MROH2A: variants seen among roughly 807,000 people sequenced by gnomAD.
The protein encoded by MROH2A is maestro heat like repeat family member 2A.
MROH2A carries 174 observed loss-of-function variants against 200.4 expected under a neutral mutation model. The ratio of observed to expected loss-of-function variants is 0.87; its 90% CI spans 0.77 to 0.98. The LOEUF (loss-of-function observed/expected upper bound fraction) is 0.98, where lower values mean the gene tolerates loss of function less well. Among genes scored for constraint, MROH2A ranks in the 50% least tolerant of loss-of-function variants. MROH2A has a pLI of 0.00. For synonymous variants in MROH2A, 829 were observed against 840.4 expected, an observed-to-expected ratio of 0.99 and a Z score of 0.23; for missense variants, 2,045 against 2,139.6, an observed-to-expected ratio of 0.96 and a Z score of 0.87.
At chr2:233,827,812 ATT>A (rs34589114) in intron 35 of MROH2A, among the ~76,000 whole-genome samples, 1 of 151,596 alleles carries the variant, frequency 6.6e-6, no homozygotes, top group African/African-American at 2.4e-5. Flanking sequence ...ATTATAAATG[ATT>A]TTTTTTTAAT....
At chr2:233,808,846 C>A (rs1363416962) in intron 21 of MROH2A, among the ~76,000 whole-genome samples, 1 of 152,206 alleles carries the variant, frequency 6.6e-6, no homozygotes, top group Non-Finnish European at 1.5e-5. Flanking sequence ...GCACCTCCCC[C>A]CACAGGTGAT....
At chr2:233,821,995 C>T (rs997188802) in intron 31 of MROH2A, 129 bp from the exon 32 acceptor site, 92 of 1,189,764 alleles carry the variant, frequency 7.7e-5, no homozygotes, top group African/African-American at 3.1e-4. Context: ...CGGCTCCCTC[C>T]GCCTCCCTGA....
intron 3 of MROH2A, among the ~76,000 whole-genome samples, chr2:233,788,163 A>G (rs953819669): frequency 1.2e-4 from 14 of 119,824 alleles, no homozygotes; most frequent in Non-Finnish European, 2.3e-4. Flanking sequence ...TTTTATATAT[A>G]CATATACATA....
At chr2:233,791,785 G>A (rs1169216485) in intron 5 of MROH2A, among the ~76,000 whole-genome samples, 2 of 152,132 alleles carry the variant, frequency 1.3e-5, no homozygotes, top group East Asian at 3.9e-4. Flanking sequence ...GTGAGATAAG[G>A]CTGGAGAAGG....
chr2:233,796,266 T>C lies in MROH2A; in HGVS notation c.1205T>C (p.Val402Ala), dbSNP rs1461480412. The C allele has an allele frequency of 1.4e-6, 2 of 1,396,622 alleles. No homozygotes were observed. Among genetic ancestry groups the C allele is most frequent in the Non-Finnish European group, 1.9e-6 (2 of 1,050,930 alleles). The allele number at this position is 1,396,622 out of a possible 1,614,324, so 86.5% of individuals were successfully genotyped here. A position where few individuals can be genotyped will look rare whatever the true frequency, so the allele number is the denominator to read the frequency against. The change falls in exon 11 of 42, where the codon GTC becomes GCC. Residue 402 changes from valine (V) to alanine (A), a missense_variant. By Grantham distance (64) the Val-to-Ala change is moderately conservative (BLOSUM62 0). Coordinates refer to ENST00000389758, the MANE Select transcript of MROH2A (RefSeq NM_001394639.1). ...FSQMETNKEA[V>A]RVGTLNLIRA... ...CAGATGGAGACAAACAAGGAGGCCG[T>C]CCGCGTGGGGACTCTGAATCTGATT...
chr2:233,803,635 T>G, intron 16 of MROH2A, 147 bp downstream of exon 16: 1 of 835,400 alleles, frequency 1.2e-6, no homozygotes, highest in Non-Finnish European at 1.8e-6. Flanking sequence ...GACAGATCAT[T>G]CCATGTCCCT....
chr2:233,791,492 G>C (rs1284615579), intron 5 of MROH2A, among the ~76,000 whole-genome samples: 1 of 152,052 alleles, frequency 6.6e-6, no homozygotes, highest in Non-Finnish European at 1.5e-5. Context: ...GCCTGTGGGA[G>C]CCCCCAGGGG....
intron 19 of MROH2A, among the ~76,000 whole-genome samples, chr2:233,806,677 TTGGTTCAACTTACACAGAA>T (rs1165991190): frequency 2.0e-5 from 3 of 152,010 alleles, no homozygotes; most frequent in Non-Finnish European, 4.4e-5. Flanking sequence ...GGAGTGTAAA[TTGGTTCAACTTACACAGAA>T]GTTGAACAAA....
chr2:233,783,560 T>G (rs1341784319), intron 3 of MROH2A, among the ~76,000 whole-genome samples: 1 of 152,174 alleles, frequency 6.6e-6, no homozygotes, highest in Non-Finnish European at 1.5e-5. Flanking sequence ...TTTATTTATT[T>G]TGGTGACAAG....
rs1198063509 is a variant in MROH2A at position 233,820,157 on chromosome 2, C to T, written c.3512+101C>T. On this transcript the variant is annotated intron_variant, in intron 31 of 41. Transcript: ENST00000389758. The surrounding 1 kb of genome is among the most constrained non-coding windows in gnomAD (Gnocchi z 4.1). ...CAGAAGCCTGGAGCCTTGGGCAGTA[C>T]CCTGCCCCACCCTGAAGGAGGTCGA... The T allele has an allele frequency of 1.8e-5, 19 of 1,040,426 alleles. No individual in the cohort carries two copies. The highest frequency in any genetic ancestry group is 3.3e-4 in the Middle Eastern group (1 of 3,036). 64.4% of individuals were successfully genotyped at this position (1,040,426 alleles called of 1,614,324 possible).
chr2:233,809,589 T>C (rs898555952), intron 22 of MROH2A, among the ~76,000 whole-genome samples: 1 of 152,158 alleles, frequency 6.6e-6, no homozygotes, highest in Non-Finnish European at 1.5e-5. Context: ...TGGCCCTCTC[T>C]GACACTGACC....
Position 233,796,303 on chromosome 2 carries a change from G to A in MROH2A, c.1242G>A (p.Val414=). The change falls in exon 11 of 42, where the codon GTG becomes GTA. Residue 414 remains valine (V), a synonymous_variant. Transcript: ENST00000389758. The part of the protein sequence containing the change: ...VGTLNLIRAI[V]SADEPRMSIR... ...CTCTGAATCTGATTAGGGCTATAGT[G>A]AGCGCAGATGGTGAGCAAGGCAGGG... The A allele has an allele frequency of 2.1e-6, 3 of 1,423,514 alleles. No individual in the cohort carries two copies. The highest frequency in any genetic ancestry group is 2.8e-6 in the Non-Finnish European group (3 of 1,058,238). The allele number at this position is 1,423,514 out of a possible 1,614,324, so 88.2% of individuals were successfully genotyped here. A position where few individuals can be genotyped will look rare whatever the true frequency, so the allele number is the denominator to read the frequency against.
chr2:233,825,880 T>C (rs971747536), intron 35 of MROH2A, among the ~76,000 whole-genome samples: 1 of 151,706 alleles, frequency 6.6e-6, no homozygotes, highest in African/African-American at 2.4e-5. Flanking sequence ...TGGAATAGTT[T>C]CAGAAGAAAT....
Position 233,807,779 on chromosome 2 carries a change from C to T in MROH2A, c.2219C>T (p.Thr740Met), listed in dbSNP as rs775574614. ...CTGTGTGCCCGGGGCCAGGTAAAAA[C>T]GGTGCTGAATGTGCTTCATGACTTC... ...FGLCARGQVK[T>M]VLNVLHDFEE... Residue 740 changes from threonine to methionine, a missense_variant, in exon 21 of 42, where the codon ACG (threonine) becomes ATG (methionine). Coordinates refer to ENST00000389758, the MANE Select transcript of MROH2A (RefSeq NM_001394639.1). This position sits in a 1 kb window ranked among gnomAD's most constrained non-coding sequence, Gnocchi z 4.3. The T allele has an allele frequency of 1.9e-5, 29 of 1,550,802 alleles. No homozygotes were observed. The highest frequency in any genetic ancestry group is 2.4e-5 in the South Asian group (2 of 84,068).
chr2:233,821,379 T>TGCCCCCAGGCCCCCAG (rs71398802), intron 31 of MROH2A, among the ~76,000 whole-genome samples: 2 of 151,860 alleles, frequency 1.3e-5, no homozygotes, highest in East Asian at 3.9e-4. Flanking sequence ...CATTTACTCC[T>TGCCCCCAGGCCCCCAG]GCCCCCAGGC....
intron 15 of MROH2A, 111 bp from the exon 16 acceptor site, chr2:233,803,337 A>G: frequency 6.0e-6 from 7 of 1,164,782 alleles, no homozygotes; most frequent in Non-Finnish European, 8.6e-6. Flanking sequence ...TTGGGGAACA[A>G]GATCATGTTG....
At chr2:233,826,656 G>T (rs1704329608) in intron 35 of MROH2A, among the ~76,000 whole-genome samples, 1 of 152,122 alleles carries the variant, frequency 6.6e-6, no homozygotes, top group Non-Finnish European at 1.5e-5. Flanking sequence ...CAGGACATGG[G>T]CATGGACAAA....
intron 30 of MROH2A, 39 bp from the exon 31 acceptor site, chr2:233,819,863 G>A: frequency 6.8e-7 from 1 of 1,472,808 alleles, no homozygotes; most frequent in Non-Finnish European, 9.1e-7. Flanking sequence ...GGCCATAGGG[G>A]CCTGGGCTGC....
chr2:233,809,507 G>C (rs1441304662), intron 22 of MROH2A, among the ~76,000 whole-genome samples: 3 of 152,092 alleles, frequency 2.0e-5, no homozygotes, highest in Non-Finnish European at 4.4e-5. Context: ...AGAGTGCTGG[G>C]TGGGGTCTCC....
Sources: gnomAD v4.1 joint callset for allele counts (sites outside exome capture counted in the v4.1 genomes callset) on GRCh38, gnomAD v4.1.1 for gene constraint, Gnocchi (gnomAD v3.1) non-coding constraint, MANE v1.5 for transcripts, NCBI Gene and HGNC (gene_info 2026-07-23, HGNC 2026-07-21) for gene names.